Variants in DLGAP1 observed in about 807,000 individuals in gnomAD.
The protein encoded by DLGAP1 is disks large-associated protein 1.
DLGAP1 carries 11 observed loss-of-function variants against 90.8 expected under a neutral mutation model. The observed-to-expected ratio is 0.12, with a 90% CI of 0.08 to 0.20. The LOEUF is 0.20. Among genes scored for constraint, DLGAP1 ranks in the 10% least tolerant of loss-of-function variants. DLGAP1 has a pLI of 1.00. For missense variants in DLGAP1, 1,050 were observed against 1,333.8 expected (o/e 0.79, Z 3.31); for synonymous variants, 558 against 540.7 (o/e 1.03, Z -0.44).
intron 2 of DLGAP1, among the ~76,000 whole-genome samples, chr18:4,027,545 A>T (rs1234471344): frequency 1.4e-5 from 2 of 140,062 alleles, no homozygotes; most frequent in Non-Finnish European, 3.1e-5. Flanking sequence ...AAGAATAATG[A>T]TATGCTCTAG....
intron 9 of DLGAP1, among the ~76,000 whole-genome samples, chr18:3,540,118 C>T (rs549120658): frequency 4.6e-4 from 70 of 152,178 alleles, no homozygotes; most frequent in African/African-American, 1.6e-3. Context: ...TGTCTCATTA[C>T]ATAAAATAAA....
chr18:3,514,979 G>C (rs1175203175), intron 10 of DLGAP1, among the ~76,000 whole-genome samples: 1 of 152,072 alleles, frequency 6.6e-6, no homozygotes, highest in East Asian at 1.9e-4. Flanking sequence ...CTGGCCTCAA[G>C]CGATCCACTC....
chr18:4,069,822 T>C (rs1254861529), intron 2 of DLGAP1, among the ~76,000 whole-genome samples: 2 of 152,218 alleles, frequency 1.3e-5, no homozygotes, highest in African/African-American at 4.8e-5. Flanking sequence ...CCAATTTATC[T>C]CTTCATTTGT....
At chr18:3,807,786 C>T (rs866956213) in intron 5 of DLGAP1, among the ~76,000 whole-genome samples, 8 of 152,298 alleles carry the variant, frequency 5.3e-5, no homozygotes, top group Middle Eastern at 6.8e-3. Context: ...ATGTCTCATT[C>T]CTTCTCTCTA....
Position 3,755,427 on chromosome 18 carries a change from C to A in DLGAP1, c.1173-12915G>T, listed in dbSNP as rs117244404. On this transcript the variant is annotated intron_variant, in intron 5 of 12. Transcript: ENST00000315677. ...TTCAAAGACACAAATAGGTTGAAAG[C>A]AAAAGGCTTGCAAAAATATAGCATG... Among the ~76,000 whole-genome samples the A allele has an allele frequency of 1.7e-4, 26 of 151,720 alleles. No homozygotes were observed. In the East Asian group the frequency reaches 2.7e-3, roughly 16 times the overall value.
chr18:3,540,469 CAA>C (rs60740209), intron 9 of DLGAP1, among the ~76,000 whole-genome samples: 1,201 of 57,996 alleles, frequency 0.021, 16 homozygotes, highest in Admixed American at 0.11. Flanking sequence ...GGCCCTGTGT[CAA>C]AAAAAAAAAA....
intron 3 of DLGAP1, among the ~76,000 whole-genome samples, chr18:3,901,291 C>G (rs1471336534): frequency 6.6e-6 from 1 of 152,192 alleles, no homozygotes; most frequent in African/African-American, 2.4e-5. Context: ...ATTCACTTTT[C>G]ACACTGAGCT....
At chr18:4,306,287 T>C (rs1349978436) in intron 1 of DLGAP1, among the ~76,000 whole-genome samples, 1 of 151,938 alleles carries the variant, frequency 6.6e-6, no homozygotes. Flanking sequence ...GGGACACAAG[T>C]AGAGGGACTG....
chr18:3,924,445 TC>T (rs1229085150), intron 3 of DLGAP1, among the ~76,000 whole-genome samples: 1 of 152,192 alleles, frequency 6.6e-6, no homozygotes, highest in East Asian at 1.9e-4. Flanking sequence ...ATGTTTTCCT[TC>T]TCTTTCAAGA....
intron 3 of DLGAP1, among the ~76,000 whole-genome samples, chr18:3,939,959 A>C (rs189269358): frequency 2.0e-5 from 3 of 152,282 alleles, no homozygotes; most frequent in East Asian, 1.9e-4. Flanking sequence ...GCCTCCTACT[A>C]TTCATGCACC....
chr18:4,184,531 G>C (rs894581871), intron 1 of DLGAP1, among the ~76,000 whole-genome samples: 1 of 151,784 alleles, frequency 6.6e-6, no homozygotes, highest in Non-Finnish European at 1.5e-5. Flanking sequence ...TCAATAAATC[G>C]GTATCGTACA....
intron 2 of DLGAP1, among the ~76,000 whole-genome samples, chr18:4,027,503 CAAAAAAAAAAAAAAAAAAAAAAA>C (rs59592467): frequency 1.8e-5 from 1 of 55,580 alleles, no homozygotes; most frequent in Admixed American, 3.1e-4. Flanking sequence ...GACTCCGTCT[CAAAAAAAAAAAAAAAAAAAAAAA>C]AAAAAAAAAA....
At chr18:3,920,691 A>T (rs190073793) in intron 3 of DLGAP1, among the ~76,000 whole-genome samples, 1 of 152,278 alleles carries the variant, frequency 6.6e-6, no homozygotes, top group South Asian at 2.1e-4. Context: ...CCAAGGATAC[A>T]CTTCAAGGTA....
At position 3,600,809 on chromosome 18, in the gene DLGAP1, GAT is replaced by G. The variant is rs1445633257; in HGVS notation, c.1592-18563_1592-18562del. ...ATATATATAGATATATAGATATATA[GAT>G]ATATATAGATATATAGATATATATA... On this transcript the variant is annotated intron_variant, in intron 7 of 12. Coordinates refer to ENST00000315677, the MANE Select transcript of DLGAP1 (RefSeq NM_004746.4). Among the ~76,000 whole-genome samples, 21 of 47,530 alleles carry G rather than the reference GAT, an allele frequency of 4.4e-4. 3 individuals carry two copies. Among genetic ancestry groups the G allele is most frequent in the South Asian group, 2.0e-3 (4 of 1,974 alleles). 31.2% of individuals were successfully genotyped at this position (47,530 alleles called of 152,430 possible).
chr18:4,209,997 T>G (rs1166921371), intron 1 of DLGAP1, among the ~76,000 whole-genome samples: 1 of 152,232 alleles, frequency 6.6e-6, no homozygotes, highest in African/African-American at 2.4e-5. Flanking sequence ...TCATGGGACT[T>G]GAACATGCCC....
chr18:3,841,908 T>C (rs1164874733), intron 4 of DLGAP1, among the ~76,000 whole-genome samples: 2 of 151,966 alleles, frequency 1.3e-5, no homozygotes, highest in Non-Finnish European at 2.9e-5. Flanking sequence ...AACGATCTAG[T>C]GGAAGAGTCA....
At chr18:4,122,414 C>T (rs796157956) in intron 2 of DLGAP1, among the ~76,000 whole-genome samples, 28 of 152,092 alleles carry the variant, frequency 1.8e-4, no homozygotes, top group Non-Finnish European at 2.8e-4. Context: ...TTTTCCGCCA[C>T]GATTACTGTG....
intron 10 of DLGAP1, among the ~76,000 whole-genome samples, chr18:3,527,436 A>G (rs1435563512): frequency 2.5e-4 from 4 of 15,826 alleles, no homozygotes; most frequent in African/African-American, 8.6e-4. Flanking sequence ...TTTTTTTGCC[A>G]TGGATGCACT....
intron 1 of DLGAP1, among the ~76,000 whole-genome samples, chr18:4,336,984 G>C (rs2081082012): frequency 6.6e-6 from 1 of 150,846 alleles, no homozygotes; most frequent in Admixed American, 6.6e-5. Flanking sequence ...CGTGGTGGCT[G>C]GCGCCTGTAG....
Sources: allele counts gnomAD v4.1 joint callset (sites outside exome capture counted in the v4.1 genomes callset), GRCh38; gene constraint gnomAD v4.1.1; transcripts MANE v1.5; gene names NCBI Gene and HGNC (gene_info 2026-07-23, HGNC 2026-07-21).